Variants in TRIM9 observed in about 807,000 individuals in gnomAD.
The protein encoded by TRIM9 is tripartite motif containing 9.
In TRIM9, 26 loss-of-function variants were observed where a neutral mutation model predicts 78.3. The observed-to-expected ratio is 0.33, with a 90% CI of 0.24 to 0.46. The LOEUF (loss-of-function observed/expected upper bound fraction) is 0.46. Among genes scored for constraint, TRIM9 ranks in the 20% least tolerant of loss-of-function variants. The pLI is 1.00. For synonymous variants in TRIM9, 398 were observed against 416.5 expected (o/e 0.96, Z 0.54); for missense variants, 787 against 1,036.4 (o/e 0.76, Z 3.30).
chr14:50,986,066 G>A lies in TRIM9; in HGVS notation c.1682C>T (p.Ser561Phe). Residue 561 changes from serine to phenylalanine, a missense_variant, in exon 8 of 13, where the codon TCC (serine) becomes TTC (phenylalanine). Coordinates refer to ENST00000684578, the MANE Select transcript of TRIM9 (RefSeq NM_001387360.1). ...RLPLRRMSPF[S>F]STLNLQPSFP... ...GCTGGGTTGTAGATTAAGGGTGGAG[G>A]AGAAAGGACTCATTCTACGGAGCGG... The A allele has an allele frequency of 6.5e-7, 1 of 1,549,882 alleles. No individual in the cohort carries two copies. The highest frequency in any genetic ancestry group is 1.2e-5 in the South Asian group (1 of 83,936).
chr14:51,077,046 G>C (rs2062845273), intron 1 of TRIM9, among the ~76,000 whole-genome samples: 1 of 152,210 alleles, frequency 6.6e-6, no homozygotes, highest in African/African-American at 2.4e-5. Context: ...ACAGAGACTG[G>C]TTAAGCCCTT....
intron 1 of TRIM9, among the ~76,000 whole-genome samples, chr14:51,062,513 T>C (rs2061428951): frequency 6.6e-6 from 1 of 152,194 alleles, no homozygotes; most frequent in African/African-American, 2.4e-5. Context: ...TTGAAAACTA[T>C]TTGAAGGCAT....
intron 1 of TRIM9, among the ~76,000 whole-genome samples, chr14:51,076,231 A>G (rs2140272685): frequency 6.6e-6 from 1 of 152,364 alleles, no homozygotes; most frequent in Admixed American, 6.5e-5. Flanking sequence ...TTCAGGCTCC[A>G]AAGCCTGGGT....
chr14:51,067,560 A>G (rs1441903438), intron 1 of TRIM9, among the ~76,000 whole-genome samples: 1 of 152,002 alleles, frequency 6.6e-6, no homozygotes, highest in East Asian at 1.9e-4. Context: ...ATCTCTTACC[A>G]TGTCTCCTAC....
chr14:51,091,405 A>G (rs1471477411), intron 1 of TRIM9: 1 of 152,166 alleles, frequency 6.6e-6, no homozygotes, highest in Non-Finnish European at 1.5e-5. Context: ...TTTCAGGTCT[A>G]GTAATAACCT....
At chr14:51,074,769 A>T (rs974671029) in intron 1 of TRIM9, among the ~76,000 whole-genome samples, 1 of 152,118 alleles carries the variant, frequency 6.6e-6, no homozygotes, top group African/African-American at 2.4e-5. Flanking sequence ...TCCTCTCTCC[A>T]CTTAGCTGTC....
chr14:51,067,435 A>T (rs916136840), intron 1 of TRIM9, among the ~76,000 whole-genome samples: 1 of 152,150 alleles, frequency 6.6e-6, no homozygotes, highest in Non-Finnish European at 1.5e-5. Flanking sequence ...TGCAAATCAG[A>T]TTACATCATT....
chr14:51,037,399 G>T (rs1478426042), intron 1 of TRIM9, among the ~76,000 whole-genome samples: 1 of 151,988 alleles, frequency 6.6e-6, no homozygotes, highest in Non-Finnish European at 1.5e-5. Context: ...TCCTTATCCT[G>T]CATGCATGAC....
chr14:51,050,542 C>T (rs375809310), intron 1 of TRIM9, among the ~76,000 whole-genome samples: 15 of 152,234 alleles, frequency 9.9e-5, no homozygotes, highest in South Asian at 4.1e-4. Flanking sequence ...AGCATGGGAA[C>T]AGACTAATAC....
At chr14:50,981,741 C>T in intron 11 of TRIM9, 59 bp downstream of exon 11, 1 of 1,596,362 alleles carries the variant, frequency 6.3e-7, no homozygotes, top group East Asian at 2.2e-5. Context: ...TGAACTGGGG[C>T]TCTCACTCCT....
At chr14:50,993,478 C>T (rs1426548265) in intron 7 of TRIM9, among the ~76,000 whole-genome samples, 1 of 151,910 alleles carries the variant, frequency 6.6e-6, no homozygotes, top group Non-Finnish European at 1.5e-5. Context: ...AAGTGATTCT[C>T]CTGCCTCAGC....
chr14:51,041,076 C>T (rs2059545996), intron 1 of TRIM9, among the ~76,000 whole-genome samples: 1 of 152,196 alleles, frequency 6.6e-6, no homozygotes, highest in Non-Finnish European at 1.5e-5. Flanking sequence ...TGAATTTAAG[C>T]CACGTCTGAT....
At chr14:50,985,864 C>T in intron 8 of TRIM9, 92 bp downstream of exon 8, 3 of 1,171,442 alleles carry the variant, frequency 2.6e-6, no homozygotes, top group Non-Finnish European at 3.4e-6. Context: ...TCCCCCTCAC[C>T]ACGCACATGA....
At chr14:50,986,689 T>G (rs1328137961) in intron 7 of TRIM9, among the ~76,000 whole-genome samples, 4 of 152,172 alleles carry the variant, frequency 2.6e-5, no homozygotes, top group Non-Finnish European at 5.9e-5. Flanking sequence ...AGACTCTATC[T>G]TTGAATAGGA....
intron 1 of TRIM9, among the ~76,000 whole-genome samples, chr14:51,026,495 T>C (rs2058242625): frequency 6.6e-6 from 1 of 152,214 alleles, no homozygotes; most frequent in Non-Finnish European, 1.5e-5. Context: ...GGGTATACCC[T>C]TCCGTACCTC....
chr14:51,052,790 A>C (rs1410879181), intron 1 of TRIM9, among the ~76,000 whole-genome samples: 1 of 152,138 alleles, frequency 6.6e-6, no homozygotes, highest in Non-Finnish European at 1.5e-5. Flanking sequence ...TGTGAGTTAG[A>C]GTTTGGTAGG....
chr14:51,088,175 T>C (rs887959548), intron 1 of TRIM9, among the ~76,000 whole-genome samples: 4 of 152,224 alleles, frequency 2.6e-5, no homozygotes, highest in Non-Finnish European at 5.9e-5. Flanking sequence ...GTTTTAGGTA[T>C]TCTAATCTAC....
intron 1 of TRIM9, among the ~76,000 whole-genome samples, chr14:51,031,558 C>T (rs1040603305): frequency 6.6e-6 from 1 of 152,068 alleles, no homozygotes; most frequent in Non-Finnish European, 1.5e-5. Flanking sequence ...AGCCCCTGCT[C>T]AACCCCTTTC....
At chr14:51,087,745 G>T (rs943676877) in intron 1 of TRIM9, among the ~76,000 whole-genome samples, 26 of 152,156 alleles carry the variant, frequency 1.7e-4, no homozygotes, top group African/African-American at 6.0e-4. Context: ...ATGCTATGTT[G>T]TCCCCAGAGC....
Sources: allele counts gnomAD v4.1 joint callset (sites outside exome capture counted in the v4.1 genomes callset), GRCh38; gene constraint gnomAD v4.1.1; transcripts MANE v1.5; gene names NCBI Gene and HGNC (gene_info 2026-07-23, HGNC 2026-07-21).